KPNA1: variants seen among roughly 807,000 people sequenced by gnomAD.
KPNA1 encodes the protein importin subunit alpha-5.
In KPNA1, 10 loss-of-function variants were observed where a neutral mutation model predicts 70.5. That is an observed-to-expected ratio of 0.14 (90% CI 0.09 to 0.24). The LOEUF (loss-of-function observed/expected upper bound fraction) is 0.24. KPNA1 is among the 10% of genes least tolerant of loss of function. The pLI is 1.00. For missense variants in KPNA1, 397 were observed against 637.9 expected (o/e 0.62, Z 4.07); for synonymous variants, 192 against 221.9 (o/e 0.87, Z 1.20).
At chr3:122,475,396 AG>A in intron 2 of KPNA1, among the ~76,000 whole-genome samples, 1 of 152,228 alleles carries the variant, frequency 6.6e-6, no homozygotes, top group Non-Finnish European at 1.5e-5. Context: ...TTCATGAATT[AG>A]AAGAACAGTA....
chr3:122,430,926 C>T (rs538608192), intron 12 of KPNA1, among the ~76,000 whole-genome samples: 15 of 152,244 alleles, frequency 9.9e-5, no homozygotes, highest in African/African-American at 3.1e-4. Flanking sequence ...TGTGAAAGAA[C>T]GACCTATAGC....
chr3:122,465,530 C>A (rs890075689), intron 3 of KPNA1, among the ~76,000 whole-genome samples: 12 of 152,210 alleles, frequency 7.9e-5, no homozygotes, highest in African/African-American at 2.9e-4. Context: ...TGCTTTCACA[C>A]CACTGTAAAG....
Position 122,437,814 on chromosome 3 carries a change from T to C in KPNA1, c.997-519A>G, listed in dbSNP as rs2076008754. Among the ~76,000 whole-genome samples the C allele has an allele frequency of 2.7e-5, 4 of 149,326 alleles. No homozygotes were observed. In the South Asian group the frequency reaches 8.4e-4, roughly 31 times the overall value. The stretch of plus-strand genomic sequence containing the variant: ...TACACATGAAGAAGGAGACCTACTC[T>C]ACTAGAAACTAAAATAATATAAGTT... On this transcript the variant is annotated intron_variant, in intron 10 of 13. Coordinates refer to ENST00000344337, the MANE Select transcript of KPNA1 (RefSeq NM_002264.4).
At chr3:122,429,301 A>C (rs529777939) in intron 12 of KPNA1, among the ~76,000 whole-genome samples, 1 of 152,074 alleles carries the variant, frequency 6.6e-6, no homozygotes, top group East Asian at 1.9e-4. Flanking sequence ...AAATACAAAA[A>C]TTAGCCAGAC....
intron 2 of KPNA1, among the ~76,000 whole-genome samples, chr3:122,476,018 C>A (rs532485627): frequency 2.6e-5 from 4 of 152,094 alleles, no homozygotes; most frequent in Non-Finnish European, 5.9e-5. Flanking sequence ...CAGTTCAAGA[C>A]CTTATTCAAG....
At chr3:122,453,833 A>T (rs755759716) in intron 6 of KPNA1, 37 bp downstream of exon 6, 2 of 1,572,710 alleles carry the variant, frequency 1.3e-6, no homozygotes, top group Non-Finnish European at 1.7e-6. Flanking sequence ...CCAGCCAAAA[A>T]CTTTCTTTCA....
intron 2 of KPNA1, among the ~76,000 whole-genome samples, chr3:122,468,818 T>C (rs886698163): frequency 3.3e-5 from 5 of 152,180 alleles, no homozygotes; most frequent in Admixed American, 2.6e-4. Flanking sequence ...AAGAATGCCT[T>C]TGATCGACTT....
At chr3:122,475,181 C>G (rs2076483575) in intron 2 of KPNA1, among the ~76,000 whole-genome samples, 1 of 152,024 alleles carries the variant, frequency 6.6e-6, no homozygotes, top group South Asian at 2.1e-4. Flanking sequence ...AATCAATAAA[C>G]AAAAACGTGT....
intron 2 of KPNA1, among the ~76,000 whole-genome samples, chr3:122,494,910 T>C (rs566087414): frequency 6.6e-6 from 1 of 152,136 alleles, no homozygotes; most frequent in Non-Finnish European, 1.5e-5. Flanking sequence ...ACATGTATCA[T>C]ACATGTATTC....
At chr3:122,442,974 G>A (rs2076084891) in intron 9 of KPNA1, 2 of 152,320 alleles carry the variant, frequency 1.3e-5, no homozygotes, top group Non-Finnish European at 2.9e-5. Context: ...GCAGCCCACG[G>A]AGGGCAAGGT....
At chr3:122,431,448 C>T (rs199904428) in intron 12 of KPNA1, among the ~76,000 whole-genome samples, 1 of 152,180 alleles carries the variant, frequency 6.6e-6, no homozygotes, top group Non-Finnish European at 1.5e-5. Context: ...TGAGCCACCA[C>T]ACCCGGCCAA....
intron 1 of KPNA1, among the ~76,000 whole-genome samples, chr3:122,509,083 TA>T (rs2076923980): frequency 6.6e-6 from 1 of 151,878 alleles, no homozygotes; most frequent in South Asian, 2.1e-4. Flanking sequence ...CCGTATCTAC[TA>T]AAAATACAAA....
At chr3:122,480,657 A>T (rs573561302) in intron 2 of KPNA1, among the ~76,000 whole-genome samples, 73 of 152,056 alleles carry the variant, frequency 4.8e-4, no homozygotes, top group African/African-American at 1.7e-3. Context: ...AATTTTTTTT[A>T]AACTTTTCTC....
At chr3:122,490,879 T>A (rs189825988) in intron 2 of KPNA1, among the ~76,000 whole-genome samples, 3 of 152,288 alleles carry the variant, frequency 2.0e-5, no homozygotes, top group Non-Finnish European at 2.9e-5. Context: ...ACTAAAAGTA[T>A]CAGGTTTCTA....
At chr3:122,460,888 T>A (rs1342069645) in intron 5 of KPNA1, among the ~76,000 whole-genome samples, 1 of 152,148 alleles carries the variant, frequency 6.6e-6, no homozygotes, top group African/African-American at 2.4e-5. Flanking sequence ...CCACCAAGTA[T>A]CATCTAAAAC....
At chr3:122,487,533 A>T (rs2076643374) in intron 2 of KPNA1, among the ~76,000 whole-genome samples, 1 of 152,210 alleles carries the variant, frequency 6.6e-6, no homozygotes, top group Admixed American at 6.5e-5. Context: ...ACAGATGAAT[A>T]AGGAAAATGT....
Position 122,433,726 on chromosome 3 carries a change from C to G in KPNA1, c.1185G>C (p.Arg395=), listed in dbSNP as rs61750349. Residue 395 remains arginine (R), a synonymous_variant, in exon 12 of 14, where the codon CGG becomes CGC. Coordinates refer to ENST00000344337, the MANE Select transcript of KPNA1 (RefSeq NM_002264.4). ...TGGCCCAAGCTGCTTCTTTTCTTGT[C>G]CGAAATTCAGCAGTTTGTAAAATAC... ...LISILQTAEF[R]TRKEAAWAIT... 10 of 1,613,496 alleles carry G rather than the reference C, an allele frequency of 6.2e-6. No homozygotes were observed. The highest frequency in any genetic ancestry group is 8.5e-6 in the Non-Finnish European group (10 of 1,179,710).
intron 1 of KPNA1, among the ~76,000 whole-genome samples, chr3:122,499,652 A>C (rs566134349): frequency 1.3e-3 from 197 of 152,098 alleles, no homozygotes; most frequent in South Asian, 2.5e-3. Context: ...CCAGGTACTC[A>C]GGAGGCTGAA....
rs1285164349 is a variant in KPNA1, at chr3:122,424,283, G to C, written c.*2702C>G. The C allele has an allele frequency of 1.3e-5, 2 of 152,164 alleles. No individual in the cohort carries two copies. Among genetic ancestry groups the C allele is most frequent in the East Asian group, 1.9e-4 (1 of 5,206 alleles). The allele number at this position is 152,164 out of a possible 1,614,324, so 9.4% of individuals were successfully genotyped here. On this transcript the variant is annotated 3_prime_UTR_variant, in exon 14 of 14. Transcript: ENST00000344337. ...TGTAATGAGCAACGCCTTAGTGGTAGGGTATTCAGTGAATTTAAACTAAGT... is the reference window on the plus strand; with the variant it reads ...TGTAATGAGCAACGCCTTAGTGGTACGGTATTCAGTGAATTTAAACTAAGT...
Sources: allele counts gnomAD v4.1 joint callset (sites outside exome capture counted in the v4.1 genomes callset), GRCh38; gene constraint gnomAD v4.1.1; transcripts MANE v1.5; gene names NCBI Gene and HGNC (gene_info 2026-07-23, HGNC 2026-07-21).